THBS4: variants seen among roughly 807,000 people sequenced by gnomAD.
THBS4 encodes thrombospondin 4, also known as thrombospondin-4.
Under a neutral mutation model 115.7 loss-of-function variants are expected in THBS4, and 90 were observed. The observed-to-expected ratio is 0.78, with a 90% confidence interval of 0.66 to 0.93. The LOEUF is 0.93. THBS4 is among the 40% of genes least tolerant of loss of function. The pLI is 0.00. For missense variants in THBS4, 1,087 were observed against 1,232.7 expected, an observed-to-expected ratio of 0.88 and a Z score of 1.77; for synonymous variants, 460 against 479.3, an observed-to-expected ratio of 0.96 and a Z score of 0.53.
At chr5:80,082,339 G>T in intron 20 of THBS4, 67 bp from the exon 21 acceptor site, 1 of 1,593,522 alleles carries the variant, frequency 6.3e-7, no homozygotes, top group Non-Finnish European at 8.5e-7. Flanking sequence ...GGGCCCCTGG[G>T]CCTCACAGTG....
At chr5:79,992,593 A>G (rs1831705920) in intron 1 of THBS4, among the ~76,000 whole-genome samples, 3 of 152,264 alleles carry the variant, frequency 2.0e-5, no homozygotes, top group Non-Finnish European at 4.4e-5. Flanking sequence ...TGCATAACAT[A>G]TGTACCATTA....
chr5:80,042,368 A>G (rs1183548482), intron 2 of THBS4, among the ~76,000 whole-genome samples: 3 of 152,240 alleles, frequency 2.0e-5, no homozygotes, highest in Non-Finnish European at 4.4e-5. Context: ...TGTCTATTTC[A>G]GAGGCATTGC....
At chr5:79,997,995 G>C (rs191308517) in intron 1 of THBS4, among the ~76,000 whole-genome samples, 1 of 152,160 alleles carries the variant, frequency 6.6e-6, no homozygotes, top group East Asian at 1.9e-4. Context: ...CCACAGACTG[G>C]GAGAAAAAAA....
At position 80,018,455 on chromosome 5, in the gene THBS4, C is replaced by A. The variant is rs1297723823; in HGVS notation, n.177+20028C>A. ...TGTCACCCAGGCTGGAGTGCAATGG[C>A]ATGATCTCGGCTCACTGCAACCTCT... is the stretch of plus-strand genomic sequence containing the variant. On this transcript the variant is annotated intron_variant and non_coding_transcript_variant, in intron 2 of 3. Coordinates refer to the THBS4 transcript ENST00000510218. Among the ~76,000 whole-genome samples the A allele has an allele frequency of 2.2e-5, 3 of 138,106 alleles. 1 individual carries two copies. In the Admixed American group the frequency reaches 2.3e-4, roughly 11 times the overall value. 90.6% of individuals were successfully genotyped at this position (138,106 alleles called of 152,430 possible). A position where few individuals can be genotyped will look rare whatever the true frequency, so the allele number is the denominator to read the frequency against.
intron 2 of THBS4, among the ~76,000 whole-genome samples, chr5:80,003,317 G>A (rs978846745): frequency 6.6e-6 from 1 of 152,116 alleles, no homozygotes; most frequent in African/African-American, 2.4e-5. Flanking sequence ...GGAAATGAGA[G>A]GGCGCAAGAA....
intron 4 of THBS4, 37 bp from the exon 5 acceptor site, chr5:80,058,671 C>G: frequency 6.3e-7 from 1 of 1,598,338 alleles, no homozygotes; most frequent in South Asian, 1.1e-5. Context: ...ATGACCATCA[C>G]TGGCTGAAAA....
intron 17 of THBS4, 84 bp downstream of exon 17, chr5:80,078,311 G>A (rs937565554): frequency 8.2e-7 from 1 of 1,226,410 alleles, no homozygotes; most frequent in African/African-American, 1.5e-5. Context: ...TTTAGAGGGT[G>A]CAGACAATAA....
rs561811129 is a variant in THBS4 at position 79,993,514 on chromosome 5, G to A, written n.81+2102G>A. Among the ~76,000 whole-genome samples, 38 of 152,256 alleles carry A rather than the reference G, an allele frequency of 2.5e-4. 2 individuals carry two copies. The Middle Eastern group carries it at 0.017, about 68-fold the overall frequency. On this transcript the variant is annotated intron_variant and non_coding_transcript_variant, in intron 1 of 3. Coordinates refer to the THBS4 transcript ENST00000510218. ...TAAATCATAACTTCAGATTCCTACCGGGAAGAATACTGTCTGCAAAACATC... is the reference window on the plus strand; with the variant it reads ...TAAATCATAACTTCAGATTCCTACCAGGAAGAATACTGTCTGCAAAACATC...
intron 2 of THBS4, among the ~76,000 whole-genome samples, chr5:80,045,782 C>T (rs954346034): frequency 2.3e-4 from 35 of 152,092 alleles, no homozygotes; most frequent in Non-Finnish European, 1.3e-4. Context: ...CTGCCTGCTT[C>T]GGCCTCCCAA....
intron 2 of THBS4, among the ~76,000 whole-genome samples, chr5:80,049,396 C>T (rs1346472533): frequency 6.6e-6 from 1 of 152,036 alleles, no homozygotes; most frequent in Non-Finnish European, 1.5e-5. Flanking sequence ...TACAGGCAGG[C>T]GCCACCACGC....
chr5:80,060,438 C>G (rs1448181521), intron 7 of THBS4, among the ~76,000 whole-genome samples: 2 of 152,186 alleles, frequency 1.3e-5, no homozygotes, highest in Non-Finnish European at 2.9e-5. Context: ...GACCGGCTGG[C>G]AGAGCCCCAG....
chr5:80,040,811 G>T (rs181846180), intron 2 of THBS4, among the ~76,000 whole-genome samples: 2 of 152,314 alleles, frequency 1.3e-5, no homozygotes, highest in Admixed American at 1.3e-4. Flanking sequence ...AAGTTCAAGG[G>T]CATGGCCCTG....
intron 2 of THBS4, among the ~76,000 whole-genome samples, chr5:80,054,179 C>T (rs1287584282): frequency 1.3e-4 from 18 of 134,486 alleles, no homozygotes; most frequent in Non-Finnish European, 1.6e-5. Context: ...TTTTTTGAGA[C>T]AGGATCGCTC....
At chr5:80,070,482 G>T in intron 11 of THBS4, 72 bp downstream of exon 11, 1 of 1,478,618 alleles carries the variant, frequency 6.8e-7, no homozygotes, top group East Asian at 2.3e-5. Context: ...TATGGGGAGA[G>T]GTTCTGTGGA....
At chr5:80,010,664 A>G (rs1253448866) in intron 2 of THBS4, among the ~76,000 whole-genome samples, 1 of 152,226 alleles carries the variant, frequency 6.6e-6, no homozygotes, top group African/African-American at 2.4e-5. Context: ...GGGGTGCTCC[A>G]TGAATTATCA....
chr5:80,029,774 A>G (rs1034941046), intron 2 of THBS4, among the ~76,000 whole-genome samples: 38 of 151,008 alleles, frequency 2.5e-4, no homozygotes, highest in African/African-American at 8.5e-4. Context: ...CCTGGCTAAC[A>G]TGGTGAAACC....
intron 1 of THBS4, among the ~76,000 whole-genome samples, chr5:79,995,478 A>G (rs923667051): frequency 6.6e-6 from 1 of 152,058 alleles, no homozygotes; most frequent in African/African-American, 2.4e-5. Context: ...AATATGACTG[A>G]TAAAGGAAGA....
chr5:80,029,911 A>G (rs1200132290), intron 2 of THBS4, among the ~76,000 whole-genome samples: 3 of 152,064 alleles, frequency 2.0e-5, no homozygotes, highest in Non-Finnish European at 2.9e-5. Flanking sequence ...CGGAGGTTGC[A>G]GTAAGCCGAG....
Position 80,068,049 on chromosome 5 carries a change from G to A in THBS4, c.1271G>A (p.Cys424Tyr). Residue 424 changes from cysteine (C) to tyrosine (Y), a missense_variant, in exon 10 of 22, where the codon TGC becomes TAC. This residue lies in a region of THBS4 where 979 missense variants were observed against 1,103.7 expected (regional missense o/e 0.89). Coordinates refer to ENST00000350881, the MANE Select transcript of THBS4 (RefSeq NM_003248.6). ...AGGGGATGCAAAGCGGAAAGAAACTGCAGAAACCCAGAGCTGAACCCTTGC... is the reference window on the plus strand; with the variant it reads ...AGGGGATGCAAAGCGGAAAGAAACTACAGAAACCCAGAGCTGAACCCTTGC... Reference protein sequence around the residue: ...QIRGCKAERNCRNPELNPCSV... With the variant: ...QIRGCKAERNYRNPELNPCSV... 2 of 1,614,206 alleles carry A rather than the reference G, an allele frequency of 1.2e-6. No individual in the cohort carries two copies. Among genetic ancestry groups the A allele is most frequent in the Non-Finnish European group, 1.7e-6 (2 of 1,180,044 alleles).
Sources: allele counts gnomAD v4.1 joint callset (sites outside exome capture counted in the v4.1 genomes callset), GRCh38; gene constraint gnomAD v4.1.1; regional missense constraint gnomAD v4.1.1; transcripts MANE v1.5; gene names NCBI Gene and HGNC (gene_info 2026-07-23, HGNC 2026-07-21).